The following NALCN variants were observed in gnomAD, a reference collection of about 807,000 sequenced individuals.
NALCN encodes the protein sodium leak channel, non-selective.
In NALCN, 111 loss-of-function variants were observed where a neutral mutation model predicts 225.3. The ratio of observed to expected loss-of-function variants is 0.49; its 90% confidence interval spans 0.42 to 0.58. The LOEUF is 0.58. NALCN is among the 20% of genes least tolerant of loss of function. The probability of loss-of-function intolerance (pLI) is 0.00; values close to 1 mark genes in which losing one functional copy is unlikely to be tolerated. For missense variants in NALCN, 1,378 were observed against 2,202.4 expected, an observed-to-expected ratio of 0.63 and a Z score of 7.49; for synonymous variants, 764 against 769.0, an observed-to-expected ratio of 0.99 and a Z score of 0.11.
chr13:101,381,780 T>G (rs9585682), intron 3 of NALCN, among the ~76,000 whole-genome samples: 59,199 of 151,912 alleles, frequency 0.39, 13,661 homozygotes, highest in African/African-American at 0.64. Context: ...ACAAGTGTCA[T>G]GAAGAAAAAT....
At chr13:101,164,012 T>C (rs2038318689) in intron 15 of NALCN, among the ~76,000 whole-genome samples, 1 of 152,166 alleles carries the variant, frequency 6.6e-6, no homozygotes, top group Non-Finnish European at 1.5e-5. Flanking sequence ...TGTGTCTGTG[T>C]CTGTGTCTCT....
At chr13:101,238,721 T>G (rs1484670763) in intron 11 of NALCN, among the ~76,000 whole-genome samples, 1 of 151,916 alleles carries the variant, frequency 6.6e-6, no homozygotes, top group Non-Finnish European at 1.5e-5. Flanking sequence ...ACTACTGGGA[T>G]TAGTCATAAT....
intron 18 of NALCN, among the ~76,000 whole-genome samples, chr13:101,121,179 G>C (rs2035955526): frequency 1.3e-5 from 2 of 152,048 alleles, no homozygotes; most frequent in Admixed American, 6.6e-5. Flanking sequence ...TTAACACCAA[G>C]TCCAGTATCC....
At chr13:101,345,961 T>C (rs1006762317) in intron 6 of NALCN, among the ~76,000 whole-genome samples, 16 of 146,890 alleles carry the variant, frequency 1.1e-4, no homozygotes, top group South Asian at 2.1e-4. Flanking sequence ...GAATGAGAAA[T>C]GAGGAGATAT....
intron 11 of NALCN, among the ~76,000 whole-genome samples, chr13:101,245,849 C>T (rs139332169): frequency 1.3e-5 from 2 of 152,192 alleles, no homozygotes; most frequent in African/African-American, 2.4e-5. Flanking sequence ...TACCTCTGAT[C>T]GGTTGCTTTT....
Position 101,104,618 on chromosome 13 carries a change from C to G in NALCN, c.2669G>C (p.Trp890Ser). Residue 890 changes from tryptophan (W) to serine (S), a missense_variant, in exon 24 of 44, where the codon TGG (tryptophan) becomes TCG (serine). Coordinates refer to ENST00000251127, the MANE Select transcript of NALCN (RefSeq NM_052867.4). The surrounding 1 kb of genome is among the most constrained non-coding windows in gnomAD (Gnocchi z 4.2). ...GCAGATGGTTACGATGATCATGACC[C>G]AGTCCAGGTAAGTGACCAATCCCAG... ...DLLGLVTYLD[W>S]VMIIVTICSC... 6.2e-7 allele frequency: 1 copy of G among 1,613,920 alleles called. No homozygotes were observed. Among genetic ancestry groups the G allele is most frequent in the South Asian group, 1.1e-5 (1 of 91,070 alleles).
At chr13:101,384,825 G>T (rs918481551) in intron 3 of NALCN, among the ~76,000 whole-genome samples, 2 of 152,184 alleles carry the variant, frequency 1.3e-5, no homozygotes, top group African/African-American at 4.8e-5. Flanking sequence ...TGAGGAGTGG[G>T]AATTGATGGG....
chr13:101,059,860 C>G lies in NALCN; in HGVS notation c.4863G>C (p.Glu1621Asp), dbSNP rs758160958. The change falls in exon 42 of 44, where the codon GAG becomes GAC. Residue 1621 changes from glutamate to aspartate, a missense_variant. Transcript: ENST00000251127. The part of the protein sequence containing the change: ...PPSIETTQPS[E>D]DTNANSQDNS... ...TGTCCTGACTGTTGGCATTCGTGTC[C>G]TCACTGGGCTGGGTGGTCTCGATGC... 1.9e-6 allele frequency: 3 copies of G among 1,614,078 alleles called. No individual in the cohort carries two copies. Among genetic ancestry groups the G allele is most frequent in the East Asian group, 4.5e-5 (2 of 44,876 alleles).
In NALCN at chr13:101,237,818, G is replaced by T. The variant is rs201002267; in HGVS notation, c.1371C>A (p.Leu457=). ...SSSLHKFELL[L]VIGTTLHVYP... ...ATACATGAAGAGTAGTTCCAATTAC[G>T]AGTAGTAGTTCGAATTTGTGGAGAG... Residue 457 remains leucine, a synonymous_variant, in exon 12 of 44, where the codon CTC becomes CTA. Transcript: ENST00000251127. The T allele has an allele frequency of 1.2e-6, 2 of 1,606,374 alleles. No homozygotes were observed. The highest frequency in any genetic ancestry group is 1.7e-6 in the Non-Finnish European group (2 of 1,176,580).
chr13:101,351,996 G>T (rs1310083191), intron 6 of NALCN, among the ~76,000 whole-genome samples: 1 of 152,184 alleles, frequency 6.6e-6, no homozygotes, highest in Non-Finnish European at 1.5e-5. Context: ...CTATGCTTAT[G>T]ATGACTTAGC....
intron 6 of NALCN, chr13:101,369,040 A>C (rs1188638914): frequency 5.8e-6 from 2 of 343,050 alleles, no homozygotes; most frequent in South Asian, 4.7e-5. Flanking sequence ...TTATTGATAG[A>C]TTCTTGAAAT....
intron 7 of NALCN, among the ~76,000 whole-genome samples, chr13:101,337,160 C>A (rs1165037113): frequency 6.6e-6 from 1 of 152,090 alleles, no homozygotes; most frequent in East Asian, 1.9e-4. Context: ...ATATTATGCA[C>A]CAACTCTCTG....
chr13:101,074,887 T>C (rs1242857453), intron 35 of NALCN, among the ~76,000 whole-genome samples: 1 of 152,198 alleles, frequency 6.6e-6, no homozygotes, highest in Non-Finnish European at 1.5e-5. Flanking sequence ...CCACCAGGCG[T>C]TGGGCGAATT....
At chr13:101,251,623 T>C (rs1029785361) in intron 11 of NALCN, among the ~76,000 whole-genome samples, 25 of 152,186 alleles carry the variant, frequency 1.6e-4, no homozygotes, top group Admixed American at 1.6e-3. Context: ...TTTCAAAGGA[T>C]AGAAATTTCA....
rs746941463 is a variant in NALCN, at chr13:101,291,970, T to C, written c.1047+20A>G. The C allele has an allele frequency of 3.7e-6, 6 of 1,612,518 alleles. No homozygotes were observed. The highest frequency in any genetic ancestry group is 4.2e-6 in the Non-Finnish European group (5 of 1,178,848). ...GTGCATGCTCGAATGGGTTATAACATCCTCTTGCTGATAGCGTACCTGGGT... is the reference window on the plus strand; with the variant it reads ...GTGCATGCTCGAATGGGTTATAACACCCTCTTGCTGATAGCGTACCTGGGT... On this transcript the variant is annotated intron_variant, in intron 9 of 43. Coordinates refer to ENST00000251127, the MANE Select transcript of NALCN (RefSeq NM_052867.4).
At chr13:101,300,724 C>A (rs1236274026) in intron 7 of NALCN, among the ~76,000 whole-genome samples, 1 of 152,218 alleles carries the variant, frequency 6.6e-6, no homozygotes, top group African/African-American at 2.4e-5. Context: ...ATGTGCTCCA[C>A]ACACCCAGCC....
At chr13:101,220,543 G>A (rs2040897297) in intron 13 of NALCN, among the ~76,000 whole-genome samples, 1 of 152,080 alleles carries the variant, frequency 6.6e-6, no homozygotes, top group South Asian at 2.1e-4. Context: ...TAACATTTAT[G>A]TGAAAGGAAA....
At chr13:101,267,417 AC>A (rs2042633268) in intron 10 of NALCN, among the ~76,000 whole-genome samples, 1 of 151,970 alleles carries the variant, frequency 6.6e-6, no homozygotes, top group Non-Finnish European at 1.5e-5. Flanking sequence ...GTGTGAAAAA[AC>A]CCAGTGGCCT....
intron 11 of NALCN, among the ~76,000 whole-genome samples, chr13:101,256,663 C>A (rs1039168863): frequency 6.6e-6 from 1 of 152,086 alleles, no homozygotes; most frequent in African/African-American, 2.4e-5. Flanking sequence ...CTTCCTACTT[C>A]CTGGGAAAAA....
Sources: allele counts gnomAD v4.1 joint callset (sites outside exome capture counted in the v4.1 genomes callset), GRCh38; gene constraint gnomAD v4.1.1; non-coding constraint Gnocchi (gnomAD v3.1); transcripts MANE v1.5; gene names NCBI Gene and HGNC (gene_info 2026-07-23, HGNC 2026-07-21).